The following TOPAZ1 variants were observed in gnomAD, a reference collection of about 807,000 sequenced individuals.
TOPAZ1 encodes the protein protein TOPAZ1.
A neutral mutation model predicts 172.2 loss-of-function variants in TOPAZ1; 66 were observed. The observed-to-expected ratio is 0.38, with a 90% CI of 0.31 to 0.47. The LOEUF (loss-of-function observed/expected upper bound fraction) is 0.47. Among genes scored for constraint, TOPAZ1 ranks in the 20% least tolerant of loss-of-function variants. The probability of loss-of-function intolerance (pLI) is 0.99; values close to 1 mark genes in which losing one functional copy is unlikely to be tolerated. For missense variants in TOPAZ1, 1,822 were observed against 1,972.4 expected (o/e 0.92, Z 1.44); for synonymous variants, 681 against 683.9 (o/e 1.00, Z 0.07).
intron 4 of TOPAZ1, among the ~76,000 whole-genome samples, chr3:44,258,332 C>T (rs899457666): frequency 6.6e-6 from 1 of 152,084 alleles, no homozygotes; most frequent in Non-Finnish European, 1.5e-5. Flanking sequence ...ATTGCAAAAC[C>T]ATAGTACAAT....
intron 2 of TOPAZ1, among the ~76,000 whole-genome samples, chr3:44,251,014 G>A (rs779836002): frequency 6.6e-6 from 1 of 152,146 alleles, no homozygotes; most frequent in Non-Finnish European, 1.5e-5. Context: ...CAGTAAATTT[G>A]TAGCAGTCCT....
Position 44,281,948 on chromosome 3 carries a change from A to G in TOPAZ1, c.3373-20A>G. 6.7e-7 allele frequency: 1 copy of G among 1,496,372 alleles called. No individual in the cohort carries two copies. The highest frequency in any genetic ancestry group is 9.1e-7 in the Non-Finnish European group (1 of 1,104,002). 92.7% of individuals were successfully genotyped at this position (1,496,372 alleles called of 1,614,324 possible). ...GAATATTTAAAAAAGGTAGTTTTAC[A>G]TTTTTCGTGACTTTTGCAGGTTTGC... On this transcript the variant is annotated intron_variant, in intron 8 of 19. Coordinates refer to ENST00000309765, the MANE Select transcript of TOPAZ1 (RefSeq NM_001145030.2).
At chr3:44,311,561 TTTTAGACTAAC>T (rs1293609125) in intron 16 of TOPAZ1, among the ~76,000 whole-genome samples, 1 of 152,206 alleles carries the variant, frequency 6.6e-6, no homozygotes, top group African/African-American at 2.4e-5. Context: ...AATGTTTCCG[TTTTAGACTAAC>T]TTTAAACTTC....
Position 44,268,705 on chromosome 3 carries a change from T to C in TOPAZ1, c.3161-511T>C, listed in dbSNP as rs1327703141. ...ACTGGTGCCTATTCATATAAGGACA[T>C]TAATTCCATTGATTCAGGACCCCAC... On this transcript the variant is annotated intron_variant, in intron 6 of 19. Transcript: ENST00000309765. Among the ~76,000 whole-genome samples the C allele has an allele frequency of 2.0e-5, 3 of 152,070 alleles. No individual in the cohort carries two copies. In the East Asian group the frequency reaches 5.8e-4, roughly 29 times the overall value.
Position 44,270,805 on chromosome 3 carries a change from G to A in TOPAZ1, c.3367G>A (p.Glu1123Lys). ...KFAHVPEQGD[E>K]KVCMDVFKKY... ...TGCTCATGTGCCTGAACAAGGGGAT[G>A]AAAAGGTAAAACATATAAAGTCTTT... The change falls in exon 8 of 20, where the codon GAA becomes AAA. Residue 1123 changes from glutamate to lysine, a missense_variant. This residue lies in a region of TOPAZ1 where 1,489 missense variants were observed against 1,490.8 expected (regional missense o/e 1.00). Transcript: ENST00000309765. 1 of 1,545,058 alleles carries A rather than the reference G, an allele frequency of 6.5e-7. No homozygotes were observed. Among genetic ancestry groups the A allele is most frequent in the Non-Finnish European group, 8.7e-7 (1 of 1,144,180 alleles).
chr3:44,248,354 T>C (rs977907204), intron 2 of TOPAZ1, among the ~76,000 whole-genome samples: 1 of 152,238 alleles, frequency 6.6e-6, no homozygotes, highest in African/African-American at 2.4e-5. Flanking sequence ...TCTTTGAACT[T>C]CATTTTTCTT....
intron 6 of TOPAZ1, among the ~76,000 whole-genome samples, chr3:44,268,827 G>A (rs1391269613): frequency 6.6e-6 from 1 of 151,970 alleles, no homozygotes; most frequent in African/African-American, 2.4e-5. Flanking sequence ...TAATTTTTTG[G>A]GGACACAGTT....
chr3:44,264,450 A>G (rs1436444672), intron 5 of TOPAZ1, among the ~76,000 whole-genome samples: 1 of 152,212 alleles, frequency 6.6e-6, no homozygotes, highest in Admixed American at 6.5e-5. Context: ...ATTTAAAAAT[A>G]CTTTATTGCC....
chr3:44,324,896 A>G (rs1700581702), intron 18 of TOPAZ1, among the ~76,000 whole-genome samples: 1 of 152,208 alleles, frequency 6.6e-6, no homozygotes, highest in African/African-American at 2.4e-5. Flanking sequence ...ATGCCTGTGT[A>G]CAATACAGTA....
intron 4 of TOPAZ1, among the ~76,000 whole-genome samples, chr3:44,256,702 G>T (rs893169550): frequency 1.3e-5 from 2 of 152,058 alleles, no homozygotes; most frequent in South Asian, 4.1e-4. Context: ...AGGGAAGGGG[G>T]ATTATATATT....
At position 44,241,936 on chromosome 3, in the gene TOPAZ1, T is replaced by C. The variant is rs953725303; in HGVS notation, c.-118T>C. ...GCTTCCGGCCCCGGGCTGTGGTGAC[T>C]GGCGGTGTGGGGTGGGTCAGAGGGC... On this transcript the variant is annotated 5_prime_UTR_variant, in exon 1 of 20. Coordinates refer to ENST00000309765, the MANE Select transcript of TOPAZ1 (RefSeq NM_001145030.2). 25 of 944,692 alleles carry C rather than the reference T, an allele frequency of 2.6e-5. No individual in the cohort carries two copies. The highest frequency in any genetic ancestry group is 3.7e-5 in the Non-Finnish European group (24 of 650,166). 58.5% of individuals were successfully genotyped at this position (944,692 alleles called of 1,614,324 possible).
chr3:44,299,524 C>G (rs1006685948), intron 12 of TOPAZ1, among the ~76,000 whole-genome samples: 1 of 151,868 alleles, frequency 6.6e-6, no homozygotes, highest in African/African-American at 2.4e-5. Context: ...CTAGTTCAAC[C>G]ATTGTGGAAG....
At chr3:44,275,245 A>G (rs1004249086) in intron 8 of TOPAZ1, among the ~76,000 whole-genome samples, 14 of 152,036 alleles carry the variant, frequency 9.2e-5, no homozygotes, top group African/African-American at 3.4e-4. Flanking sequence ...TGAAATACAC[A>G]ATACATTGTT....
chr3:44,282,565 G>A (rs1265119068), intron 9 of TOPAZ1, among the ~76,000 whole-genome samples: 1 of 152,112 alleles, frequency 6.6e-6, no homozygotes, highest in African/African-American at 2.4e-5. Context: ...GTAGGAAATA[G>A]GATTACCTCC....
intron 8 of TOPAZ1, among the ~76,000 whole-genome samples, chr3:44,281,354 C>T (rs1700021835): frequency 6.6e-6 from 1 of 152,154 alleles, no homozygotes; most frequent in African/African-American, 2.4e-5. Context: ...AGTCAGAAAC[C>T]CCTTTTCACC....
chr3:44,279,130 C>T (rs1586537), intron 8 of TOPAZ1, among the ~76,000 whole-genome samples: 125,956 of 152,090 alleles, frequency 0.83, 52,200 homozygotes, highest in Middle Eastern at 0.9. Flanking sequence ...TGTATTTGCA[C>T]AGTTTCCAGA....
At chr3:44,306,155 G>A (rs531861601) in intron 14 of TOPAZ1, among the ~76,000 whole-genome samples, 171 bp from the exon 15 acceptor site, 6 of 152,216 alleles carry the variant, frequency 3.9e-5, no homozygotes, top group South Asian at 4.1e-4. Flanking sequence ...CTTTTTAAAC[G>A]ATGCTTTGAA....
intron 8 of TOPAZ1, among the ~76,000 whole-genome samples, chr3:44,277,703 G>T (rs537541293): frequency 1.3e-5 from 2 of 152,314 alleles, no homozygotes; most frequent in South Asian, 2.1e-4. Flanking sequence ...GGTGATGGGG[G>T]TGGATCCTTC....
chr3:44,330,486 A>C (rs1183472338), intron 19 of TOPAZ1, among the ~76,000 whole-genome samples: 1 of 152,206 alleles, frequency 6.6e-6, no homozygotes, highest in Non-Finnish European at 1.5e-5. Context: ...TCATCTTTAG[A>C]CTTTTTAAGA....
Sources: gnomAD v4.1 joint callset for allele counts (sites outside exome capture counted in the v4.1 genomes callset) on GRCh38, gnomAD v4.1.1 for gene constraint, gnomAD v4.1.1 regional missense constraint, MANE v1.5 for transcripts, NCBI Gene and HGNC (gene_info 2026-07-23, HGNC 2026-07-21) for gene names.